GRIK1: variants seen among roughly 807,000 people sequenced by gnomAD.
GRIK1 encodes glutamate ionotropic receptor kainate type subunit 1, also known as glutamate receptor ionotropic, kainate 1.
A neutral mutation model predicts 105.7 loss-of-function variants in GRIK1; 69 were observed. The observed-to-expected ratio is 0.65, with a 90% CI of 0.54 to 0.80. The LOEUF (loss-of-function observed/expected upper bound fraction) is 0.80, where lower values mean the gene tolerates loss of function less well. GRIK1 is among the 30% of genes least tolerant of loss of function. The pLI, the probability that GRIK1 is intolerant of heterozygous loss-of-function variation, is 0.00. For missense variants in GRIK1, 1,109 were observed against 1,167.3 expected (o/e 0.95, Z 0.73); for synonymous variants, 438 against 431.3 (o/e 1.02, Z -0.19).
At chr21:29,588,552 C>T (rs1568854263) in intron 11 of GRIK1, among the ~76,000 whole-genome samples, 2 of 152,150 alleles carry the variant, frequency 1.3e-5, no homozygotes, top group African/African-American at 4.8e-5. Flanking sequence ...GCCTCTCCAG[C>T]CATGAGGAAC....
intron 8 of GRIK1, among the ~76,000 whole-genome samples, chr21:29,598,108 A>C (rs2061451736): frequency 6.6e-6 from 1 of 152,172 alleles, no homozygotes. Flanking sequence ...TCAAACTGTA[A>C]GTGTTAATTC....
chr21:29,726,712 C>T (rs1367585626), intron 1 of GRIK1, among the ~76,000 whole-genome samples: 1 of 151,348 alleles, frequency 6.6e-6, no homozygotes, highest in Non-Finnish European at 1.5e-5. Flanking sequence ...TATAAATTGA[C>T]TATAATTTAT....
chr21:29,589,357 T>G (rs1303688415), intron 10 of GRIK1, among the ~76,000 whole-genome samples: 1 of 151,538 alleles, frequency 6.6e-6, no homozygotes, highest in Non-Finnish European at 1.5e-5. Flanking sequence ...CAAAGGGAAA[T>G]GGGGGCCCAC....
chr21:29,666,634 T>C (rs1215960086), intron 4 of GRIK1, among the ~76,000 whole-genome samples: 1 of 152,134 alleles, frequency 6.6e-6, no homozygotes, highest in Non-Finnish European at 1.5e-5. Flanking sequence ...AATAAAAAAA[T>C]AAATTTCTCT....
intron 1 of GRIK1, among the ~76,000 whole-genome samples, chr21:29,891,637 C>T (rs781276952): frequency 1.4e-4 from 21 of 152,050 alleles, no homozygotes; most frequent in African/African-American, 3.9e-4. Flanking sequence ...CTTGTCGGAA[C>T]GTTAGAACAC....
intron 15 of GRIK1, among the ~76,000 whole-genome samples, chr21:29,560,426 TTTC>T (rs2090416126): frequency 7.6e-6 from 1 of 131,920 alleles, no homozygotes; most frequent in African/African-American, 3.2e-5. Context: ...TCTTTCTTTC[TTTC>T]TTTCTTTCTT....
intron 1 of GRIK1, among the ~76,000 whole-genome samples, chr21:29,889,545 C>T (rs924392141): frequency 6.6e-6 from 1 of 151,644 alleles, no homozygotes; most frequent in Non-Finnish European, 1.5e-5. Context: ...CAGTAAATAT[C>T]CTGCTACACT....
At chr21:29,697,871 CT>C (rs2063733932) in intron 1 of GRIK1, among the ~76,000 whole-genome samples, 1 of 152,084 alleles carries the variant, frequency 6.6e-6, no homozygotes, top group Non-Finnish European at 1.5e-5. Context: ...CTTTCCCTCT[CT>C]TTTTTTCCTT....
intron 16 of GRIK1, 56 bp from the exon 17 acceptor site, chr21:29,537,940 A>G: frequency 1.2e-6 from 1 of 824,574 alleles, no homozygotes; most frequent in Non-Finnish European, 2.0e-6. Context: ...TCTCCAAAAA[A>G]CAGAGATTCT....
intron 1 of GRIK1, among the ~76,000 whole-genome samples, chr21:29,813,915 T>A (rs1289617078): frequency 1.1e-5 from 1 of 93,884 alleles, no homozygotes; most frequent in Admixed American, 1.1e-4. Context: ...GAAACATTCT[T>A]TTTTTTTTTT....
intron 1 of GRIK1, among the ~76,000 whole-genome samples, chr21:29,898,832 T>C (rs1457866855): frequency 6.6e-6 from 1 of 152,138 alleles, no homozygotes; most frequent in African/African-American, 2.4e-5. Flanking sequence ...ATTTTATATA[T>C]TTCAATTAAC....
Position 29,921,732 on chromosome 21 carries a change from A to T in GRIK1, c.118+17651T>A, listed in dbSNP as rs557209667. Among the ~76,000 whole-genome samples the T allele has an allele frequency of 6.6e-5, 10 of 152,306 alleles. No homozygotes were observed. The South Asian group carries it at 2.1e-3, about 32-fold the overall frequency. ...TTTGAATTTGGTTTTGTTTCTCTGCACATAAGCTCACTTTAATATTGCTAT... is the reference window on the plus strand; with the variant it reads ...TTTGAATTTGGTTTTGTTTCTCTGCTCATAAGCTCACTTTAATATTGCTAT... On this transcript the variant is annotated intron_variant, in intron 1 of 17. Transcript: ENST00000327783.
intron 1 of GRIK1, among the ~76,000 whole-genome samples, chr21:29,767,522 A>T (rs937707503): frequency 1.3e-5 from 2 of 152,206 alleles, no homozygotes; most frequent in Non-Finnish European, 2.9e-5. Flanking sequence ...ATGGAAAAAA[A>T]AAAAGAACTG....
chr21:29,708,826 A>T (rs1425749317), intron 1 of GRIK1, among the ~76,000 whole-genome samples: 1 of 152,154 alleles, frequency 6.6e-6, no homozygotes, highest in East Asian at 1.9e-4. Context: ...TTTTTGGAAG[A>T]ATTATTTGTT....
At chr21:29,938,661 A>G (rs1421109517) in intron 1 of GRIK1, among the ~76,000 whole-genome samples, 1 of 152,066 alleles carries the variant, frequency 6.6e-6, no homozygotes, top group East Asian at 1.9e-4. Context: ...AGCTACCTGG[A>G]CTGGGAACTG....
chr21:29,685,091 T>A (rs1205866231), intron 3 of GRIK1, among the ~76,000 whole-genome samples: 1 of 152,216 alleles, frequency 6.6e-6, no homozygotes, highest in Non-Finnish European at 1.5e-5. Context: ...AGACACTATC[T>A]GTGATAGGTT....
rs1229518501 is a variant in GRIK1 at position 29,537,114 on chromosome 21, A to T, written c.*116T>A. On this transcript the variant is annotated 3_prime_UTR_variant, in exon 18 of 18. Coordinates refer to ENST00000327783, the MANE Select transcript of GRIK1 (RefSeq NM_001330994.2). Reference sequence around the variant, plus strand: ...TTTTGTATTTCTTATATCTGTATTCATAATCAGAGTTATGGATATAGATAT... The same window carrying T: ...TTTTGTATTTCTTATATCTGTATTCTTAATCAGAGTTATGGATATAGATAT... 8.9e-6 allele frequency: 5 copies of T among 561,200 alleles called. No homozygotes were observed. The East Asian group carries it at 1.6e-4, about 18-fold the overall frequency. The allele number at this position is 561,200 out of a possible 1,614,324, so 34.8% of individuals were successfully genotyped here. A position where few individuals can be genotyped will look rare whatever the true frequency, so the allele number is the denominator to read the frequency against.
chr21:29,912,878 T>G (rs2070867604), intron 1 of GRIK1, among the ~76,000 whole-genome samples: 1 of 152,040 alleles, frequency 6.6e-6, no homozygotes, highest in South Asian at 2.1e-4. Context: ...ATCTATACAT[T>G]TACATTCAAA....
intron 7 of GRIK1, among the ~76,000 whole-genome samples, chr21:29,610,086 G>T (rs377414977): frequency 2.6e-4 from 40 of 152,226 alleles, no homozygotes; most frequent in African/African-American, 7.9e-4. Flanking sequence ...TGATTTATAC[G>T]ATCATAAACT....
Sources: allele counts gnomAD v4.1 joint callset (sites outside exome capture counted in the v4.1 genomes callset), GRCh38; gene constraint gnomAD v4.1.1; transcripts MANE v1.5; gene names NCBI Gene and HGNC (gene_info 2026-07-23, HGNC 2026-07-21).